The following GSE1 variants were observed in gnomAD, a reference collection of about 807,000 sequenced individuals.
GSE1 encodes the protein genetic suppressor element 1.
GSE1 carries 32 observed loss-of-function variants against 112.6 expected under a neutral mutation model. That is an observed-to-expected ratio of 0.28 (90% confidence interval 0.21 to 0.38). GSE1 has a LOEUF of 0.38. Among genes scored for constraint, GSE1 ranks in the 10% least tolerant of loss-of-function variants. GSE1 has a pLI of 1.00. For missense variants in GSE1, 2,348 were observed against 1,699.2 expected (o/e 1.38, Z -6.71); for synonymous variants, 1,115 against 735.6 (o/e 1.52, Z -8.35).
At chr16:85,380,907 G>A (rs2047532454) in intron 2 of GSE1, among the ~76,000 whole-genome samples, 1 of 152,172 alleles carries the variant, frequency 6.6e-6, no homozygotes, top group Admixed American at 6.5e-5. Flanking sequence ...GTGAGCCCTG[G>A]TAAAGTCTTT....
intron 1 of GSE1, among the ~76,000 whole-genome samples, chr16:85,187,059 C>T (rs577291616): frequency 3.3e-5 from 5 of 152,296 alleles, no homozygotes; most frequent in East Asian, 3.9e-4. Context: ...GACGCAGCCA[C>T]GCTTGGTGTC....
At chr16:85,281,579 T>C (rs1395659075) in intron 1 of GSE1, among the ~76,000 whole-genome samples, 1 of 152,156 alleles carries the variant, frequency 6.6e-6, no homozygotes, top group African/African-American at 2.4e-5. Context: ...TTTCAAGGAT[T>C]CCATTTTTGT....
chr16:85,512,921 A>G (rs1197330094), intron 2 of GSE1, among the ~76,000 whole-genome samples: 1 of 152,070 alleles, frequency 6.6e-6, no homozygotes, highest in Admixed American at 6.5e-5. Context: ...GAGAGTTGGA[A>G]GGGCTAGCTA....
At chr16:85,663,712 G>C (rs536503944) in intron 11 of GSE1, 98 bp downstream of exon 11, 2 of 1,233,086 alleles carry the variant, frequency 1.6e-6, no homozygotes, top group Non-Finnish European at 2.3e-6. Context: ...CAGGATCTGC[G>C]ATCACTGAGC....
intron 1 of GSE1, among the ~76,000 whole-genome samples, chr16:85,270,391 C>T (rs1908712593): frequency 6.7e-6 from 1 of 148,870 alleles, no homozygotes; most frequent in Non-Finnish European, 1.5e-5. Flanking sequence ...TTTGTCCCAG[C>T]GACATCCAAG....
intron 2 of GSE1, among the ~76,000 whole-genome samples, chr16:85,421,744 G>A (rs557650093): frequency 2.6e-5 from 4 of 152,244 alleles, no homozygotes; most frequent in African/African-American, 4.8e-5. Context: ...GCTTCCGGTC[G>A]TCCTGGGTGG....
At chr16:85,652,551 C>CGGA (rs1209538304) in intron 3 of GSE1, among the ~76,000 whole-genome samples, 1 of 151,764 alleles carries the variant, frequency 6.6e-6, no homozygotes, top group South Asian at 2.1e-4. Flanking sequence ...TTCCAGGCGG[C>CGGA]GGCGGCGGCG....
intron 2 of GSE1, among the ~76,000 whole-genome samples, chr16:85,470,638 G>A (rs2151844431): frequency 6.6e-6 from 1 of 152,312 alleles, no homozygotes; most frequent in South Asian, 2.1e-4. Flanking sequence ...AGGGTTGTAT[G>A]GGTGCCCCGG....
intron 1 of GSE1, among the ~76,000 whole-genome samples, chr16:85,300,157 A>C (rs934336254): frequency 6.6e-6 from 1 of 151,740 alleles, no homozygotes; most frequent in Non-Finnish European, 1.5e-5. Context: ...GATTACAGGC[A>C]CCCGCCACCA....
At chr16:85,176,225 G>A (rs918306195) in intron 1 of GSE1, among the ~76,000 whole-genome samples, 5 of 152,168 alleles carry the variant, frequency 3.3e-5, no homozygotes, top group Non-Finnish European at 5.9e-5. Context: ...CTCCCACCTT[G>A]GCCTCCCCAA....
At chr16:85,208,724 C>T (rs1872631398) in intron 1 of GSE1, among the ~76,000 whole-genome samples, 1 of 151,448 alleles carries the variant, frequency 6.6e-6, no homozygotes, top group Non-Finnish European at 1.5e-5. Context: ...TTAGCCTGGG[C>T]CGCAGTTGAC....
At chr16:85,374,541 TGTGCGCGC>T (rs971597770) in intron 2 of GSE1, among the ~76,000 whole-genome samples, 2 of 20,810 alleles carry the variant, frequency 9.6e-5, no homozygotes, top group African/African-American at 1.1e-4. Flanking sequence ...TGTGTGTGTG[TGTGCGCGC>T]GCGCGTGCAC....
At chr16:85,335,827 G>C (rs560616139) in intron 1 of GSE1, among the ~76,000 whole-genome samples, 1 of 147,626 alleles carries the variant, frequency 6.8e-6, no homozygotes, top group South Asian at 2.2e-4. Context: ...CCAAGCAGCC[G>C]GGCGCGCTGG....
chr16:85,555,292 T>C (rs1338329746), upstream of GSE1: 8 of 985,018 alleles, frequency 8.1e-6, no homozygotes, highest in African/African-American at 5.2e-5. Context: ...CCTGCCTCCT[T>C]CTGCCCAGGC....
intron 1 of GSE1, among the ~76,000 whole-genome samples, chr16:85,580,770 C>G (rs1263187727): frequency 6.6e-6 from 1 of 152,226 alleles, no homozygotes; most frequent in African/African-American, 2.4e-5. Context: ...GATTAGTGTC[C>G]TCACAGGAGG....
At chr16:85,436,670 G>T (rs1023458401) in intron 2 of GSE1, among the ~76,000 whole-genome samples, 5 of 152,342 alleles carry the variant, frequency 3.3e-5, no homozygotes, top group African/African-American at 1.2e-4. Context: ...CCCAGGCCCG[G>T]CCAACTGGGC....
chr16:85,427,768 G>A (rs1367033750), intron 2 of GSE1, among the ~76,000 whole-genome samples: 1 of 152,148 alleles, frequency 6.6e-6, no homozygotes, highest in Non-Finnish European at 1.5e-5. Flanking sequence ...GGAGGTGGAG[G>A]TTGCAGTGAG....
intron 2 of GSE1, among the ~76,000 whole-genome samples, chr16:85,543,512 G>A (rs893415761): frequency 1.3e-5 from 2 of 152,122 alleles, no homozygotes. Context: ...TTTTTTGCAT[G>A]AGCCCTGCTG....
chr16:85,482,428 C>G (rs1391987922), intron 2 of GSE1, among the ~76,000 whole-genome samples: 2 of 152,140 alleles, frequency 1.3e-5, no homozygotes, highest in Non-Finnish European at 2.9e-5. Flanking sequence ...GGATTCAGAC[C>G]CCCAGCCCAT....
Sources: allele counts gnomAD v4.1 joint callset (sites outside exome capture counted in the v4.1 genomes callset), GRCh38; gene constraint gnomAD v4.1.1; transcripts MANE v1.5; gene names NCBI Gene and HGNC (gene_info 2026-07-23, HGNC 2026-07-21).